The following KCTD1 variants were observed in gnomAD, a reference collection of about 807,000 sequenced individuals.
KCTD1 encodes BTB/POZ domain-containing protein KCTD1.
KCTD1 carries 24 observed loss-of-function variants against 66.0 expected under a neutral mutation model. That is an observed-to-expected ratio of 0.36 (90% CI 0.26 to 0.51). The LOEUF (loss-of-function observed/expected upper bound fraction) is 0.51. Ranked by LOEUF, KCTD1 falls within the 20% of genes least tolerant of loss-of-function variation. The pLI, the probability that KCTD1 is intolerant of heterozygous loss-of-function variation, is 0.95. For missense variants in KCTD1, 943 were observed against 1,205.2 expected, an observed-to-expected ratio of 0.78 and a Z score of 3.22; for synonymous variants, 511 against 517.2, an observed-to-expected ratio of 0.99 and a Z score of 0.16.
intron 1 of KCTD1, among the ~76,000 whole-genome samples, chr18:26,601,326 T>TTTAAAA (rs1555646203): frequency 1.1e-5 from 1 of 93,266 alleles, no homozygotes; most frequent in South Asian, 4.6e-4. Flanking sequence ...TGTTCATTGG[T>TTTAAAA]AAAAAAAAAA....
chr18:26,647,264 T>G (rs1282293269), intron 1 of KCTD1, among the ~76,000 whole-genome samples: 4 of 151,688 alleles, frequency 2.6e-5, no homozygotes. Flanking sequence ...ACCCCAGCAC[T>G]TTGGGAGGCT....
At chr18:26,599,825 A>T in intron 1 of KCTD1, 1 of 1,558,416 alleles carries the variant, frequency 6.4e-7, no homozygotes, top group Non-Finnish European at 8.9e-7. Flanking sequence ...GAGGAAATAC[A>T]GTCTGTTCGA....
At chr18:26,558,949 A>AG (rs1165177797) in intron 1 of KCTD1, among the ~76,000 whole-genome samples, 4 of 151,994 alleles carry the variant, frequency 2.6e-5, no homozygotes, top group Non-Finnish European at 5.9e-5. Flanking sequence ...AGAAAAAAAA[A>AG]AGAGAAAAGA....
chr18:26,486,945 A>C (rs946497849), intron 2 of KCTD1, among the ~76,000 whole-genome samples: 1 of 152,232 alleles, frequency 6.6e-6, no homozygotes, highest in Non-Finnish European at 1.5e-5. Context: ...CACAGCGCTT[A>C]ATTCAAAAAG....
intron 1 of KCTD1, among the ~76,000 whole-genome samples, chr18:26,572,269 AG>A (rs768350028): frequency 6.6e-6 from 1 of 152,182 alleles, no homozygotes; most frequent in South Asian, 2.1e-4. Context: ...CATATTGGTC[AG>A]GCTGGTCTTG....
chr18:26,525,792 G>C (rs117911361), intron 1 of KCTD1, among the ~76,000 whole-genome samples: 2,469 of 152,288 alleles, frequency 0.016, 31 homozygotes, highest in Middle Eastern at 0.024. Context: ...CATGATCATA[G>C]CTCACTGTAA....
At chr18:26,563,334 A>G (rs1985905704) in intron 1 of KCTD1, among the ~76,000 whole-genome samples, 1 of 152,038 alleles carries the variant, frequency 6.6e-6, no homozygotes. Flanking sequence ...AAACCAACAA[A>G]CCAAACTATA....
intron 2 of KCTD1, among the ~76,000 whole-genome samples, chr18:26,490,177 G>A (rs905636499): frequency 3.3e-5 from 5 of 152,160 alleles, no homozygotes; most frequent in African/African-American, 4.8e-5. Flanking sequence ...ATGGTGACGC[G>A]TTTACATCTC....
At chr18:26,638,186 T>C (rs1987763166) in intron 1 of KCTD1, among the ~76,000 whole-genome samples, 1 of 152,220 alleles carries the variant, frequency 6.6e-6, no homozygotes, top group South Asian at 2.1e-4. Context: ...TAGAGCATCT[T>C]TCATTTATCC....
At chr18:26,508,334 A>AT (rs1387049879) in intron 1 of KCTD1, among the ~76,000 whole-genome samples, 3 of 152,162 alleles carry the variant, frequency 2.0e-5, no homozygotes, top group Non-Finnish European at 2.9e-5. Context: ...CCTTCAAGGG[A>AT]TTTGACTTCA....
chr18:26,574,449 T>C (rs1986179149), intron 1 of KCTD1, among the ~76,000 whole-genome samples: 1 of 152,226 alleles, frequency 6.6e-6, no homozygotes. Flanking sequence ...CATGGTCTTT[T>C]CAAACACACA....
intron 1 of KCTD1, among the ~76,000 whole-genome samples, chr18:26,648,072 C>T (rs1436283601): frequency 6.6e-6 from 1 of 152,076 alleles, no homozygotes; most frequent in Non-Finnish European, 1.5e-5. Flanking sequence ...TCTCAAACTC[C>T]TAACCTCAAG....
chr18:26,526,593 T>C (rs575726994), intron 1 of KCTD1, among the ~76,000 whole-genome samples: 97 of 152,266 alleles, frequency 6.4e-4, no homozygotes, highest in African/African-American at 2.2e-3. Flanking sequence ...AATAGAAATA[T>C]GGCAAAATCA....
intron 2 of KCTD1, among the ~76,000 whole-genome samples, chr18:26,486,379 C>T (rs1415959486): frequency 2.6e-5 from 4 of 152,230 alleles, no homozygotes; most frequent in South Asian, 2.1e-4. Context: ...TCACAGTGTC[C>T]GTCTGTCCCA....
At chr18:26,651,360 C>T (rs892087301) in intron 1 of KCTD1, among the ~76,000 whole-genome samples, 8 of 152,174 alleles carry the variant, frequency 5.3e-5, no homozygotes, top group African/African-American at 1.2e-4. Context: ...AGTTAGAATC[C>T]CTGCTCTGCC....
rs762649295 is a variant in KCTD1, at chr18:26,546,921, G to T, written c.1616C>A (p.Ser539Tyr). 275 of 1,478,074 alleles carry T rather than the reference G, an allele frequency of 1.9e-4. 2 individuals carry two copies. Among genetic ancestry groups the T allele is most frequent in the Admixed American group, 1.0e-4 (4 of 40,132 alleles). 91.6% of individuals were successfully genotyped at this position (1,478,074 alleles called of 1,614,324 possible). Residue 539 changes from serine (S) to tyrosine (Y), a missense_variant, in exon 1 of 5, where the codon TCT (serine) becomes TAT (tyrosine). By Grantham distance (144) the Ser-to-Tyr change is moderately radical. This residue lies in a region of KCTD1 where 197 missense variants were observed against 182.7 expected (regional missense o/e 1.08). Coordinates refer to ENST00000580059, the MANE Select transcript of KCTD1 (RefSeq NM_001142730.3). Reference protein sequence around the residue: ...EAAPKRALYESVFGSGEICGP... With the variant: ...EAAPKRALYEYVFGSGEICGP... ...GCAGATTTCCCCCGACCCGAACACA[G>T]ACTCGTACAGGGCGCGCTTGGGCGC...
At position 26,547,582 on chromosome 18, in the gene KCTD1, A is replaced by G. The variant is rs1985312396; in HGVS notation, c.955T>C (p.Cys319Arg). 5.2e-6 allele frequency: 8 copies of G among 1,551,440 alleles called. No homozygotes were observed. Among genetic ancestry groups the G allele is most frequent in the Non-Finnish European group, 5.2e-6 (6 of 1,146,902 alleles). Residue 319 changes from cysteine to arginine, a missense_variant, in exon 1 of 5, where the codon TGT (cysteine) becomes CGT (arginine). This residue lies in a region of KCTD1 where 3 missense variants were observed against 23.6 expected (regional missense o/e 0.13). Transcript: ENST00000580059. ...CGCTGGTTCTCGCGGCCGCGGGTACAGAAGTACATGCACGTCTCGAACCAG... is the reference window on the plus strand; with the variant it reads ...CGCTGGTTCTCGCGGCCGCGGGTACGGAAGTACATGCACGTCTCGAACCAG... ...KVWFETCMYF[C>R]TRGRENQREL...
chr18:26,455,924 T>A (rs753945471), intron 4 of KCTD1, 23 bp from the exon 5 acceptor site: 4 of 1,609,174 alleles, frequency 2.5e-6, no homozygotes, highest in East Asian at 2.2e-5. Flanking sequence ...AAGACAAGCA[T>A]CCAGTTAGGG....
chr18:26,639,359 G>T (rs1377785985), intron 1 of KCTD1, among the ~76,000 whole-genome samples: 4 of 152,158 alleles, frequency 2.6e-5, no homozygotes, highest in Non-Finnish European at 5.9e-5. Context: ...CAGATGCGGG[G>T]CTCCCGAAGC....
Sources: gnomAD v4.1 joint callset for allele counts (sites outside exome capture counted in the v4.1 genomes callset) on GRCh38, gnomAD v4.1.1 for gene constraint, gnomAD v4.1.1 regional missense constraint, MANE v1.5 for transcripts, NCBI Gene and HGNC (gene_info 2026-07-23, HGNC 2026-07-21) for gene names.